Variants in BAZ2A observed in about 807,000 individuals in gnomAD.
The protein encoded by BAZ2A is bromodomain adjacent to zinc finger domain 2A.
A neutral mutation model predicts 199.9 loss-of-function variants in BAZ2A; 34 were observed. The ratio of observed to expected loss-of-function variants is 0.17; its 90% CI spans 0.13 to 0.23. The LOEUF (loss-of-function observed/expected upper bound fraction) is 0.23. BAZ2A is among the 10% of genes least tolerant of loss of function. BAZ2A has a pLI of 1.00. For synonymous variants in BAZ2A, 857 were observed against 883.9 expected, an observed-to-expected ratio of 0.97 and a Z score of 0.54; for missense variants, 2,002 against 2,391.1, an observed-to-expected ratio of 0.84 and a Z score of 3.39.
intron 3 of BAZ2A, 117 bp from the exon 4 acceptor site, chr12:56,614,255 G>A (rs1460348985): frequency 1.4e-5 from 15 of 1,093,708 alleles, no homozygotes; most frequent in African/African-American, 7.9e-5. Context: ...CATTTATTGC[G>A]GCCAGTTCAT....
intron 3 of BAZ2A, 52 bp downstream of exon 3, chr12:56,614,959 TCCC>T: frequency 6.6e-7 from 1 of 1,507,814 alleles, no homozygotes; most frequent in Non-Finnish European, 9.0e-7. Context: ...AAAGCCACTA[TCCC>T]CCCCGAGCTC....
upstream of BAZ2A, chr12:56,630,668 A>T: frequency 1.4e-6 from 1 of 701,104 alleles, no homozygotes; most frequent in Non-Finnish European, 1.8e-6. Flanking sequence ...TTTCGGGGGC[A>T]GTTATTTCCC....
chr12:56,600,399 C>A lies in BAZ2A; in HGVS notation c.4694G>T (p.Gly1565Val). ...SDSQEDITWR[G>V]RGREGLAPQR... ...AGGTGCCAGTCCCTCCCTGCCCCGA[C>A]CTCGCCAGGTGATATCCTCCTGGGA... The change falls in exon 24 of 29, where the codon GGT (glycine) becomes GTT (valine). Residue 1565 changes from glycine (G) to valine (V), a missense_variant. Transcript: ENST00000549884. 6.2e-7 allele frequency: 1 copy of A among 1,614,038 alleles called. No homozygotes were observed. Among genetic ancestry groups the A allele is most frequent in the Non-Finnish European group, 8.5e-7 (1 of 1,179,900 alleles).
chr12:56,636,074 C>T, intron 1 of BAZ2A: 1 of 1,349,764 alleles, frequency 7.4e-7, no homozygotes, highest in Non-Finnish European at 1.0e-6. Flanking sequence ...CCTGTTTCCT[C>T]TCCTTCAGCC....
Position 56,600,055 on chromosome 12 carries a change from G to A in BAZ2A, c.4934C>T (p.Thr1645Ile). ...ITPRIRVWRQ[T>I]LERCRSAAQV... ...GGCTGCGCTCCGGCACCGCTCGAGGGTCTGGCGCCAGACACGAATGCGAGG... is the reference window on the plus strand; with the variant it reads ...GGCTGCGCTCCGGCACCGCTCGAGGATCTGGCGCCAGACACGAATGCGAGG... The change falls in exon 25 of 29, where the codon ACC becomes ATC. Residue 1645 changes from threonine to isoleucine, a missense_variant. Physicochemically the swap from Thr to Ile is moderately conservative, Grantham distance 89. Transcript: ENST00000549884. 6.2e-7 allele frequency: 1 copy of A among 1,614,072 alleles called. No homozygotes were observed. The highest frequency in any genetic ancestry group is 8.5e-7 in the Non-Finnish European group (1 of 1,179,902).
intron 1 of BAZ2A, among the ~76,000 whole-genome samples, chr12:56,624,871 A>G (rs1951032110): frequency 1.3e-5 from 2 of 152,184 alleles, no homozygotes; most frequent in Admixed American, 6.5e-5. Flanking sequence ...GCAGTGGGCT[A>G]TGATCACACC....
At position 56,604,608 on chromosome 12, in the gene BAZ2A, G is replaced by A; in HGVS notation, c.2940C>T (p.Leu980=). The A allele has an allele frequency of 2.5e-6, 4 of 1,596,102 alleles. No homozygotes were observed. The highest frequency in any genetic ancestry group is 3.4e-6 in the Non-Finnish European group (4 of 1,171,308). The part of the protein sequence containing the change: ...AAVLAFLVHE[L]NGSTLIINEI... ...ACTTGATGATGAGGGTGGAGCCATT[G>A]AGCTCATGCACAAGGAAGGCCAGGA... Residue 980 remains leucine, a synonymous_variant, in exon 15 of 29, where the codon CTC becomes CTT. Transcript: ENST00000549884.
Position 56,609,776 on chromosome 12 carries a change from G to C in BAZ2A, c.2052C>G (p.Asn684Lys). The C allele has an allele frequency of 1.2e-6, 2 of 1,613,924 alleles. No homozygotes were observed. The highest frequency in any genetic ancestry group is 1.7e-6 in the Non-Finnish European group (2 of 1,179,844). ...TCTTTAGGGGGCGGTTGTCTGTCTT[G>C]TTCAATAGCTCAGTGATTTTGACCT... ...PPKVKITELLNKTDNRPLKKL... is the reference protein window; with the variant it reads ...PPKVKITELLKKTDNRPLKKL... Residue 684 changes from asparagine to lysine, a missense_variant, in exon 10 of 29, where the codon AAC (asparagine) becomes AAG (lysine). This residue lies in a region of BAZ2A where 1,081 missense variants were observed against 1,274.7 expected (regional missense o/e 0.85). Transcript: ENST00000549884.
chr12:56,614,877 A>T, intron 3 of BAZ2A, 137 bp downstream of exon 3: 2 of 908,874 alleles, frequency 2.2e-6, no homozygotes, highest in Non-Finnish European at 3.3e-6. Flanking sequence ...TGGCTCTGCT[A>T]ATTGCTAATC....
chr12:56,630,777 T>A (rs532939256), upstream of BAZ2A: 5 of 985,620 alleles, frequency 5.1e-6, no homozygotes, highest in East Asian at 4.5e-4. Flanking sequence ...CCCACTCACC[T>A]CTGTCCCTTC....
At chr12:56,621,067 G>A in intron 1 of BAZ2A, 6 of 985,230 alleles carry the variant, frequency 6.1e-6, no homozygotes, top group African/African-American at 1.7e-5. Context: ...ATGCCTAGAG[G>A]GCCAATTTCA....
intron 1 of BAZ2A, among the ~76,000 whole-genome samples, chr12:56,625,264 T>G (rs1951050617): frequency 6.7e-6 from 1 of 149,580 alleles, no homozygotes; most frequent in Non-Finnish European, 1.5e-5. Flanking sequence ...CAAGCAATTC[T>G]CCTGCCTCAG....
Position 56,602,750 on chromosome 12 carries a change from C to T in BAZ2A, c.3387G>A (p.Leu1129=), listed in dbSNP as rs772092332. The T allele has an allele frequency of 1.5e-5, 25 of 1,613,838 alleles. No homozygotes were observed. Among genetic ancestry groups the T allele is most frequent in the South Asian group, 1.3e-4 (12 of 91,076 alleles). ...CTGTTCCTTCTACAAAGATACCAGC[C>T]AAATACGGCAATACCCAGTAGCGAC... The part of the protein sequence containing the change: ...YRRRYWVLPY[L]AGIFVEGTEG... The change falls in exon 19 of 29, where the codon TTG becomes TTA. Residue 1129 remains leucine (L), a synonymous_variant. Coordinates refer to ENST00000549884, the MANE Select transcript of BAZ2A (RefSeq NM_001300905.2).
At chr12:56,625,252 T>C (rs1301599083) in intron 1 of BAZ2A, among the ~76,000 whole-genome samples, 1 of 150,026 alleles carries the variant, frequency 6.7e-6, no homozygotes, top group Non-Finnish European at 1.5e-5. Flanking sequence ...ATCTCCCCGG[T>C]TCAAGCAATT....
At position 56,609,727 on chromosome 12, in the gene BAZ2A, C is replaced by T; in HGVS notation, c.2092+9G>A. On this transcript the variant is annotated intron_variant, in intron 10 of 28. Transcript: ENST00000549884. ...GAGCAGAATCCCAAAGTAAGAAATACCACTGTACCTTGGGCCTCCAGTTTC... is the reference window on the plus strand; with the variant it reads ...GAGCAGAATCCCAAAGTAAGAAATATCACTGTACCTTGGGCCTCCAGTTTC... The T allele has an allele frequency of 2.5e-6, 4 of 1,611,636 alleles. No homozygotes were observed. The highest frequency in any genetic ancestry group is 3.4e-6 in the Non-Finnish European group (4 of 1,178,380).
chr12:56,623,268 A>T (rs573588077), intron 1 of BAZ2A, among the ~76,000 whole-genome samples: 152 of 152,100 alleles, frequency 1.0e-3, no homozygotes, highest in African/African-American at 3.4e-3. Context: ...GACAATGCAC[A>T]AAGTGTTGAA....
Position 56,602,135 on chromosome 12 carries a change from G to A in BAZ2A, c.3482C>T (p.Ser1161Leu). The A allele has an allele frequency of 6.3e-7, 1 of 1,593,660 alleles. No individual in the cohort carries two copies. Among genetic ancestry groups the A allele is most frequent in the Non-Finnish European group, 8.5e-7 (1 of 1,169,810 alleles). Residue 1161 changes from serine (S) to leucine (L), a missense_variant, in exon 20 of 29, where the codon TCA becomes TTA. Physicochemically the swap from Ser to Leu is moderately radical, Grantham distance 145. Transcript: ENST00000549884. ...TDSLKVAAHA[S>L]LNPALFSMKM... ...CATAGAGAAGAGGGCAGGGTTGAGT[G>A]ACGCATGGGCTGCCACTTTTAAGGA...
chr12:56,629,610 A>G (rs1280063299), intron 1 of BAZ2A, among the ~76,000 whole-genome samples: 2 of 152,102 alleles, frequency 1.3e-5, no homozygotes, highest in African/African-American at 4.8e-5. Flanking sequence ...GCTCAAGAGA[A>G]TGGGTGCGCT....
chr12:56,634,268 TCCCTGAGG>T (rs977487455), upstream of BAZ2A, among the ~76,000 whole-genome samples: 1 of 152,080 alleles, frequency 6.6e-6, no homozygotes, highest in African/African-American at 2.4e-5. Context: ...CTCCCAACTG[TCCCTGAGG>T]CCCTGAAGCA....
Sources: gnomAD v4.1 joint callset for allele counts (sites outside exome capture counted in the v4.1 genomes callset) on GRCh38, gnomAD v4.1.1 for gene constraint, gnomAD v4.1.1 regional missense constraint, MANE v1.5 for transcripts, NCBI Gene and HGNC (gene_info 2026-07-23, HGNC 2026-07-21) for gene names.